LMO7: variants seen among roughly 807,000 people sequenced by gnomAD.
The protein encoded by LMO7 is LIM domain 7.
In LMO7, 120 loss-of-function variants were observed where a neutral mutation model predicts 206.5. That is an observed-to-expected ratio of 0.58 (90% CI 0.50 to 0.68). LMO7 has a LOEUF of 0.68. Among genes scored for constraint, LMO7 ranks in the 30% least tolerant of loss-of-function variants. LMO7 has a pLI of 0.00. For synonymous variants in LMO7, 706 were observed against 681.5 expected, an observed-to-expected ratio of 1.04 and a Z score of -0.56; for missense variants, 1,959 against 1,957.9, an observed-to-expected ratio of 1.00 and a Z score of -0.01.
chr13:75,762,522 G>T (rs2048334837), intron 4 of LMO7, among the ~76,000 whole-genome samples: 1 of 152,160 alleles, frequency 6.6e-6, no homozygotes, highest in Admixed American at 6.5e-5. Context: ...GTAGGCTAAA[G>T]ACTAGGTGAA....
At chr13:75,661,899 A>G (rs1021491310) in intron 1 of LMO7, among the ~76,000 whole-genome samples, 50 of 152,214 alleles carry the variant, frequency 3.3e-4, no homozygotes, top group African/African-American at 1.0e-3. Context: ...ATACTTTCTT[A>G]AATGGTCTGC....
At chr13:75,805,823 T>G in intron 9 of LMO7, 63 bp downstream of exon 9, 1 of 1,474,432 alleles carries the variant, frequency 6.8e-7, no homozygotes, top group South Asian at 1.3e-5. Flanking sequence ...TGGGGTTCTA[T>G]GTGCATGTTT....
At chr13:75,758,376 T>C (rs2047860617) in intron 3 of LMO7, among the ~76,000 whole-genome samples, 1 of 152,182 alleles carries the variant, frequency 6.6e-6, no homozygotes, top group African/African-American at 2.4e-5. Context: ...AGGAATAAAT[T>C]ACCAGTGAGC....
chr13:75,775,280 A>G (rs2050225800), intron 4 of LMO7, among the ~76,000 whole-genome samples: 1 of 151,996 alleles, frequency 6.6e-6, no homozygotes, highest in Non-Finnish European at 1.5e-5. Context: ...AAACAGAACC[A>G]CACTTCTCAC....
chr13:75,682,623 C>T (rs1566305814), intron 1 of LMO7, among the ~76,000 whole-genome samples: 1 of 152,080 alleles, frequency 6.6e-6, no homozygotes, highest in Admixed American at 6.5e-5. Context: ...CAAAAACAGT[C>T]TTTATTTATT....
intron 1 of LMO7, among the ~76,000 whole-genome samples, chr13:75,685,092 A>G (rs1277762074): frequency 6.6e-6 from 1 of 152,248 alleles, no homozygotes; most frequent in Non-Finnish European, 1.5e-5. Context: ...AATGTTTTCC[A>G]TAACTTTCCA....
chr13:75,758,957 C>T (rs2047918058), intron 3 of LMO7, among the ~76,000 whole-genome samples: 1 of 152,088 alleles, frequency 6.6e-6, no homozygotes, highest in Non-Finnish European at 1.5e-5. Context: ...TAAAGAACTG[C>T]CTGAGACTGG....
intron 15 of LMO7, among the ~76,000 whole-genome samples, chr13:75,827,861 A>G (rs891965448): frequency 1.3e-5 from 2 of 152,194 alleles, no homozygotes; most frequent in African/African-American, 2.4e-5. Flanking sequence ...AGCTTTCTGC[A>G]TGTCCATTTC....
In LMO7 at chr13:75,858,079, A is replaced by T; in HGVS notation, c.*136A>T. The T allele has an allele frequency of 1.1e-6, 1 of 907,710 alleles. No homozygotes were observed. Among genetic ancestry groups the T allele is most frequent in the Admixed American group, 2.6e-5 (1 of 38,904 alleles). The allele number at this position is 907,710 out of a possible 1,614,324, so 56.2% of individuals were successfully genotyped here. ...AGAATAACTTTTTTTGCCTCTTTAG[A>T]TTACATAGAAGCATTGTAGTCTTGG... On this transcript the variant is annotated 3_prime_UTR_variant, in exon 31 of 31. Transcript: ENST00000377534.
Position 75,819,714 on chromosome 13 carries a change from G to T in LMO7, c.2207+179G>T, listed in dbSNP as rs191879462. Reference sequence around the variant, plus strand: ...GAAAAAACAAAGCATTGTTGAAATAGTGACTTAGAGTAATAGTAACAAAAT... The same window carrying T: ...GAAAAAACAAAGCATTGTTGAAATATTGACTTAGAGTAATAGTAACAAAAT... On this transcript the variant is annotated intron_variant, in intron 13 of 30. Coordinates refer to ENST00000377534, the MANE Select transcript of LMO7 (RefSeq NM_001306080.2). Among the ~76,000 whole-genome samples, 306 of 152,288 alleles carry T rather than the reference G, an allele frequency of 2.0e-3. 2 individuals are homozygous for T. In the Middle Eastern group the frequency reaches 0.031, roughly 15 times the overall value.
intron 26 of LMO7, among the ~76,000 whole-genome samples, chr13:75,848,544 T>C (rs1011843185): frequency 6.6e-6 from 1 of 152,208 alleles, no homozygotes; most frequent in Non-Finnish European, 1.5e-5. Flanking sequence ...GCATTGCGAA[T>C]TGTGCTGCTA....
intron 3 of LMO7, among the ~76,000 whole-genome samples, chr13:75,754,546 G>A (rs1325479783): frequency 6.6e-6 from 1 of 152,098 alleles, no homozygotes; most frequent in Non-Finnish European, 1.5e-5. Flanking sequence ...CTTTTTAATA[G>A]AAAGGAATGG....
chr13:75,838,401 T>C, intron 20 of LMO7: 1 of 1,462,632 alleles, frequency 6.8e-7, no homozygotes, highest in East Asian at 2.7e-5. Flanking sequence ...AATGGGTCTT[T>C]GTGTGTCCTT....
intron 15 of LMO7, among the ~76,000 whole-genome samples, chr13:75,824,083 G>T (rs1045278320): frequency 6.6e-6 from 1 of 152,180 alleles, no homozygotes; most frequent in Non-Finnish European, 1.5e-5. Flanking sequence ...TGATATGAGT[G>T]TATGGAGACT....
intron 11 of LMO7, 82 bp downstream of exon 11, chr13:75,809,265 T>A: frequency 8.4e-7 from 1 of 1,196,210 alleles, no homozygotes; most frequent in South Asian, 1.2e-5. Flanking sequence ...GCATGGCATG[T>A]CACTAAATGG....
intron 3 of LMO7, among the ~76,000 whole-genome samples, chr13:75,738,637 G>A (rs480929): frequency 0.47 from 70,740 of 151,972 alleles, 17,166 homozygotes; most frequent in East Asian, 0.61. Context: ...TCTTCCAGAA[G>A]AATAGCTGTT....
chr13:75,698,637 T>C (rs1401536404), intron 1 of LMO7, among the ~76,000 whole-genome samples: 1 of 151,788 alleles, frequency 6.6e-6, no homozygotes, highest in Admixed American at 6.6e-5. Context: ...GGTAGGCATT[T>C]AGAGTACAGG....
Position 75,800,681 on chromosome 13 carries a change from T to C in LMO7, c.463-3T>C. ...ACTATTCTTTAAAAAACGTTTTCTT[T>C]AGGCACTCGAAGACTCCAGCTTCCT... On this transcript the variant is annotated splice_polypyrimidine_tract_variant and splice_region_variant and intron_variant, in intron 6 of 30. Transcript: ENST00000377534. 1 of 1,613,626 alleles carries C rather than the reference T, an allele frequency of 6.2e-7. No individual in the cohort carries two copies. Among genetic ancestry groups the C allele is most frequent in the South Asian group, 1.1e-5 (1 of 91,030 alleles).
At chr13:75,796,023 A>G (rs1346432744) in intron 5 of LMO7, among the ~76,000 whole-genome samples, 2 of 152,230 alleles carry the variant, frequency 1.3e-5, no homozygotes, top group African/African-American at 4.8e-5. Context: ...AGGATAGGTT[A>G]GATTTAGGAA....
Sources: gnomAD v4.1 joint callset for allele counts (sites outside exome capture counted in the v4.1 genomes callset) on GRCh38, gnomAD v4.1.1 for gene constraint, MANE v1.5 for transcripts, NCBI Gene and HGNC (gene_info 2026-07-23, HGNC 2026-07-21) for gene names.